CPT1A: variants seen among roughly 807,000 people sequenced by gnomAD.
The protein encoded by CPT1A is carnitine palmitoyltransferase 1A.
CPT1A carries 64 observed loss-of-function variants against 100.8 expected under a neutral mutation model. The ratio of observed to expected loss-of-function variants is 0.63; its 90% confidence interval spans 0.52 to 0.78. The LOEUF (loss-of-function observed/expected upper bound fraction) is 0.78. Among genes scored for constraint, CPT1A ranks in the 30% least tolerant of loss-of-function variants. The pLI is 0.00. For missense variants in CPT1A, 802 were observed against 1,034.1 expected (o/e 0.78, Z 3.08); for synonymous variants, 363 against 396.0 (o/e 0.92, Z 0.99).
intron 1 of CPT1A, among the ~76,000 whole-genome samples, chr11:68,830,347 C>A (rs1279558153): frequency 6.6e-6 from 1 of 152,100 alleles, no homozygotes. Context: ...TGGAGCCCAC[C>A]TGCTGGGAGC....
intron 1 of CPT1A, among the ~76,000 whole-genome samples, chr11:68,828,398 T>C (rs1423829198): frequency 1.5e-5 from 1 of 66,456 alleles, no homozygotes; most frequent in African/African-American, 3.1e-5. Flanking sequence ...CAGGCCTGGG[T>C]CAGGGCCCCC....
At chr11:68,769,734 C>A (rs1052915908) in intron 14 of CPT1A, among the ~76,000 whole-genome samples, 1 of 152,208 alleles carries the variant, frequency 6.6e-6, no homozygotes, top group East Asian at 1.9e-4. Context: ...CCTGCCTGAC[C>A]TCTCACTGTG....
intron 2 of CPT1A, among the ~76,000 whole-genome samples, chr11:68,814,560 G>A (rs939240811): frequency 9.9e-5 from 15 of 152,106 alleles, no homozygotes; most frequent in African/African-American, 3.6e-4. Flanking sequence ...CACCCGCCTC[G>A]GCCTCCCAAA....
chr11:68,835,679 G>A (rs755327137), intron 1 of CPT1A, among the ~76,000 whole-genome samples: 2 of 152,176 alleles, frequency 1.3e-5, no homozygotes, highest in Non-Finnish European at 2.9e-5. Flanking sequence ...CCCTAGAGGC[G>A]GATTCAGTGC....
chr11:68,780,330 C>T (rs548988821), intron 12 of CPT1A, among the ~76,000 whole-genome samples: 5 of 152,190 alleles, frequency 3.3e-5, no homozygotes, highest in Admixed American at 1.3e-4. Flanking sequence ...TCGCCCAGGC[C>T]GGAGTGCAGT....
At chr11:68,780,777 T>G (rs1481576087) in intron 11 of CPT1A, 32 bp from the exon 12 acceptor site, 1 of 1,589,306 alleles carries the variant, frequency 6.3e-7, no homozygotes, top group Admixed American at 1.7e-5. Context: ...GGAACTTAAG[T>G]GTTTAAAGAG....
At chr11:68,782,530 G>A (rs906410329) in intron 10 of CPT1A, among the ~76,000 whole-genome samples, 1 of 152,186 alleles carries the variant, frequency 6.6e-6, no homozygotes, top group Non-Finnish European at 1.5e-5. Context: ...GCATTCCACA[G>A]ATGCCCATGT....
At chr11:68,792,815 G>A (rs576713644) in intron 9 of CPT1A, among the ~76,000 whole-genome samples, 3 of 152,330 alleles carry the variant, frequency 2.0e-5, no homozygotes, top group South Asian at 2.1e-4. Context: ...TCGGGAGGCC[G>A]AAGCGGGCGG....
intron 9 of CPT1A, among the ~76,000 whole-genome samples, chr11:68,785,563 G>GAA (rs377721687): frequency 4.1e-4 from 21 of 51,104 alleles, no homozygotes; most frequent in Non-Finnish European, 4.8e-4. Context: ...TCCATCTCAG[G>GAA]AAAAAAAAAA....
At position 68,800,656 on chromosome 11, in the gene CPT1A, T is replaced by G. The variant is rs566418161; in HGVS notation, c.556-1301A>C. On this transcript the variant is annotated intron_variant, in intron 5 of 18. Transcript: ENST00000265641. ...ATTCCAGCCTGGGTGAGATGCTGTT[T>G]CCCCCAGCAACAAAAAGTAAAACTG... is the stretch of plus-strand genomic sequence containing the variant. 5.3e-5 allele frequency among the ~76,000 whole-genome samples: 8 copies of G among 150,554 alleles called. No homozygotes were observed. The East Asian group carries it at 1.6e-3, about 31-fold the overall frequency.
intron 14 of CPT1A, among the ~76,000 whole-genome samples, chr11:68,767,567 G>A (rs1448738014): frequency 1.3e-5 from 2 of 152,176 alleles, no homozygotes; most frequent in Admixed American, 1.3e-4. Context: ...TCCAGCCTGG[G>A]CAAGAGTAAG....
chr11:68,803,863 TC>T, intron 5 of CPT1A, 136 bp downstream of exon 5: 1 of 661,320 alleles, frequency 1.5e-6, no homozygotes, highest in Non-Finnish European at 2.7e-6. Flanking sequence ...AAAAAAGAGT[TC>T]CTATGAGAAC....
rs2229738 is a variant in CPT1A at position 68,794,860 on chromosome 11, C to T, written c.823G>A (p.Ala275Thr). 104,065 of 1,614,048 alleles carry T rather than the reference C, an allele frequency of 0.064. 4,186 individuals are homozygous for T. The highest frequency in any genetic ancestry group is 0.07 in the Non-Finnish European group (82,627 of 1,179,954). The stretch of plus-strand genomic sequence containing the variant: ...CTGTAAAGCAGGATGGCATGGATGG[C>T]GTTGCCGGCTCTTGCTGCCTGAATG... Reference protein sequence around the residue: ...THIQAARAGNAIHAILLYRRK... With the variant: ...THIQAARAGNTIHAILLYRRK... The change falls in exon 8 of 19, where the codon GCC becomes ACC. Residue 275 changes from alanine (A) to threonine (T), a missense_variant. This residue lies in a region of CPT1A where 627 missense variants were observed against 799.3 expected (regional missense o/e 0.78). Coordinates refer to ENST00000265641, the MANE Select transcript of CPT1A (RefSeq NM_001876.4).
rs200640269 is a variant in CPT1A at position 68,794,887 on chromosome 11, G to A, written c.796C>T (p.His266Tyr). Residue 266 changes from histidine to tyrosine, a missense_variant, in exon 8 of 19, where the codon CAC becomes TAC. By Grantham distance (83) the His-to-Tyr change is moderately conservative. This residue lies in a region of CPT1A where 627 missense variants were observed against 799.3 expected (regional missense o/e 0.78). Transcript: ENST00000265641. Reference protein sequence around the residue: ...AMDLLYILPTHIQAARAGNAI... With the variant: ...AMDLLYILPTYIQAARAGNAI... ...TTGCCGGCTCTTGCTGCCTGAATGT[G>A]AGTTGGAAGGATATACAGCAGATCC... is the stretch of plus-strand genomic sequence containing the variant. The A allele has an allele frequency of 6.2e-7, 1 of 1,614,186 alleles. No homozygotes were observed. Among genetic ancestry groups the A allele is most frequent in the Non-Finnish European group, 8.5e-7 (1 of 1,180,020 alleles).
chr11:68,778,996 G>A (rs1199793442), intron 12 of CPT1A, among the ~76,000 whole-genome samples: 2 of 152,016 alleles, frequency 1.3e-5, no homozygotes, highest in African/African-American at 4.8e-5. Context: ...GTGTTAGCCA[G>A]GATGGTCTCG....
chr11:68,810,372 C>G (rs1362837889), intron 3 of CPT1A, among the ~76,000 whole-genome samples: 1 of 152,188 alleles, frequency 6.6e-6, no homozygotes, highest in East Asian at 1.9e-4. Context: ...GCAATGACAG[C>G]AGTACCCAGG....
At position 68,803,984 on chromosome 11, in the gene CPT1A, C is replaced by T. The variant is rs748480028; in HGVS notation, c.555+16G>A. ...AGATGGCTGGCATTTCAGTGTGAGGCCTAAGCCACACCTACCCTGTTCACA... is the reference window on the plus strand; with the variant it reads ...AGATGGCTGGCATTTCAGTGTGAGGTCTAAGCCACACCTACCCTGTTCACA... On this transcript the variant is annotated intron_variant, in intron 5 of 18. Coordinates refer to ENST00000265641, the MANE Select transcript of CPT1A (RefSeq NM_001876.4). 3.1e-6 allele frequency: 5 copies of T among 1,592,802 alleles called. No homozygotes were observed. The highest frequency in any genetic ancestry group is 4.3e-6 in the Non-Finnish European group (5 of 1,160,628).
At chr11:68,817,247 G>A (rs942147149) in intron 1 of CPT1A, among the ~76,000 whole-genome samples, 3 of 151,860 alleles carry the variant, frequency 2.0e-5, no homozygotes, top group African/African-American at 7.3e-5. Context: ...GCCCTCTGAA[G>A]GTGAGATCAA....
chr11:68,800,585 G>GA (rs1855880824), intron 5 of CPT1A, among the ~76,000 whole-genome samples: 1 of 152,070 alleles, frequency 6.6e-6, no homozygotes, highest in Non-Finnish European at 1.5e-5. Context: ...AGGATCACTT[G>GA]GGCCCAGGAG....
Sources: allele counts gnomAD v4.1 joint callset (sites outside exome capture counted in the v4.1 genomes callset), GRCh38; gene constraint gnomAD v4.1.1; regional missense constraint gnomAD v4.1.1; transcripts MANE v1.5; gene names NCBI Gene and HGNC (gene_info 2026-07-23, HGNC 2026-07-21).